LUZP2: variants seen among roughly 807,000 people sequenced by gnomAD.
LUZP2 encodes leucine zipper protein 2.
In LUZP2, 52 loss-of-function variants were observed where a neutral mutation model predicts 51.6. That is an observed-to-expected ratio of 1.01 (90% CI 0.81 to 1.27). The LOEUF (loss-of-function observed/expected upper bound fraction) is 1.27, where lower values mean the gene tolerates loss of function less well. Ranked by LOEUF, LUZP2 falls within the 50% of genes most tolerant of loss-of-function variation. The pLI is 0.00. For synonymous variants in LUZP2, 154 were observed against 137.3 expected (o/e 1.12, Z -0.85); for missense variants, 436 against 395.4 (o/e 1.10, Z -0.87).
chr11:24,786,552 A>G (rs1178365702), intron 5 of LUZP2: 2 of 434,974 alleles, frequency 4.6e-6, no homozygotes, highest in African/African-American at 2.2e-5. Context: ...ATATATAAAC[A>G]GGTGTATATA....
chr11:24,526,323 A>C (rs533727382), intron 1 of LUZP2, among the ~76,000 whole-genome samples: 2 of 151,162 alleles, frequency 1.3e-5, no homozygotes, highest in Non-Finnish European at 3.0e-5. Context: ...AGCATATCTA[A>C]CTAAAACCTA....
rs74517460 is a variant in LUZP2 at position 24,781,404 on chromosome 11, A to G, written c.396+18096A>G. 3.5e-3 allele frequency among the ~76,000 whole-genome samples: 529 copies of G among 152,122 alleles called. 5 individuals carry two copies. The highest frequency in any genetic ancestry group is 0.011 in the African/African-American group (444 of 41,524). Reference sequence around the variant, plus strand: ...TCATAGTTTTGGTTTAACCTCAGAGATATTTCTTACTGCACTATTTACCAT... The same window carrying G: ...TCATAGTTTTGGTTTAACCTCAGAGGTATTTCTTACTGCACTATTTACCAT... On this transcript the variant is annotated intron_variant, in intron 5 of 11. Coordinates refer to ENST00000336930, the MANE Select transcript of LUZP2 (RefSeq NM_001009909.4).
intron 1 of LUZP2, among the ~76,000 whole-genome samples, chr11:24,667,799 T>C (rs1565065400): frequency 6.6e-6 from 1 of 152,240 alleles, no homozygotes; most frequent in South Asian, 2.1e-4. Context: ...AGAATGCTTC[T>C]ATTTGCATTG....
chr11:24,975,943 T>G (rs1427830528), intron 7 of LUZP2, among the ~76,000 whole-genome samples: 1 of 151,984 alleles, frequency 6.6e-6, no homozygotes, highest in African/African-American at 2.4e-5. Context: ...AATAAAAATC[T>G]ATTATCTCTC....
At position 24,914,502 on chromosome 11, in the gene LUZP2, G is replaced by A. The variant is rs769243604; in HGVS notation, c.486G>A (p.Lys162=). The A allele has an allele frequency of 9.9e-6, 16 of 1,609,394 alleles. No homozygotes were observed. Among genetic ancestry groups the A allele is most frequent in the Non-Finnish European group, 1.4e-5 (16 of 1,178,564 alleles). The part of the protein sequence containing the change: ...EESKKIQAQL[K]ELRYGKKDLL... Reference sequence around the variant, plus strand: ...CAAAAAAAATCCAAGCCCAGCTGAAGGAGCTTCGTTATGGGAAGAAGGATT... The same window carrying A: ...CAAAAAAAATCCAAGCCCAGCTGAAAGAGCTTCGTTATGGGAAGAAGGATT... Residue 162 remains lysine, a synonymous_variant, in exon 7 of 12, where the codon AAG becomes AAA. Transcript: ENST00000336930.
intron 5 of LUZP2, among the ~76,000 whole-genome samples, chr11:24,866,910 G>A (rs556305243): frequency 6.6e-5 from 10 of 152,210 alleles, no homozygotes; most frequent in African/African-American, 2.4e-4. Flanking sequence ...TTCGGTGGGA[G>A]ATGAGACTGG....
intron 10 of LUZP2, among the ~76,000 whole-genome samples, chr11:25,065,843 C>G (rs1197232655): frequency 6.6e-6 from 1 of 151,998 alleles, no homozygotes; most frequent in Non-Finnish European, 1.5e-5. Flanking sequence ...TCATTATTTT[C>G]ATGCTCACTC....
intron 1 of LUZP2, among the ~76,000 whole-genome samples, chr11:24,693,471 A>T (rs1262583908): frequency 1.3e-5 from 2 of 151,848 alleles, no homozygotes; most frequent in Non-Finnish European, 2.9e-5. Flanking sequence ...CTTAATTAAA[A>T]TAAATGATTA....
In LUZP2 at chr11:24,871,323, G is replaced by T. The variant is rs12576482; in HGVS notation, c.397-34668G>T. On this transcript the variant is annotated intron_variant, in intron 5 of 11. Coordinates refer to ENST00000336930, the MANE Select transcript of LUZP2 (RefSeq NM_001009909.4). ...AATTTCCTTTATGGAAATGGTTAAT[G>T]AATGACCTTAAACCACTAACATAGT... Among the ~76,000 whole-genome samples, 1,152 of 152,130 alleles carry T rather than the reference G, an allele frequency of 7.6e-3. 8 individuals carry two copies. The highest frequency in any genetic ancestry group is 0.04 in the East Asian group (207 of 5,174).
At chr11:24,672,418 C>A (rs568002402) in intron 1 of LUZP2, among the ~76,000 whole-genome samples, 16 of 152,178 alleles carry the variant, frequency 1.1e-4, no homozygotes, top group African/African-American at 2.2e-4. Flanking sequence ...ATATTTATTA[C>A]AAAATTACTG....
At chr11:24,942,857 A>G (rs1471560566) in intron 7 of LUZP2, among the ~76,000 whole-genome samples, 1 of 152,130 alleles carries the variant, frequency 6.6e-6, no homozygotes, top group Non-Finnish European at 1.5e-5. Flanking sequence ...TATGTAGGCT[A>G]TTGTGTTTAC....
At chr11:24,814,941 G>A (rs1319060308) in intron 5 of LUZP2, among the ~76,000 whole-genome samples, 1 of 148,770 alleles carries the variant, frequency 6.7e-6, no homozygotes, top group Admixed American at 6.8e-5. Context: ...GCAGTGAGCT[G>A]AGATCGCACC....
At chr11:24,897,847 T>C (rs371673778) in intron 5 of LUZP2, among the ~76,000 whole-genome samples, 26 of 152,220 alleles carry the variant, frequency 1.7e-4, no homozygotes, top group East Asian at 7.7e-4. Context: ...GATTTACTTA[T>C]GGATTCTCAA....
chr11:24,553,763 T>C (rs7118280), intron 1 of LUZP2, among the ~76,000 whole-genome samples: 3,184 of 152,272 alleles, frequency 0.021, 99 homozygotes, highest in South Asian at 0.06. Flanking sequence ...ACATCATCTT[T>C]GGCAGGTGTT....
At chr11:24,786,516 T>C in intron 5 of LUZP2, 2 of 852,566 alleles carry the variant, frequency 2.3e-6, no homozygotes, top group Non-Finnish European at 2.8e-6. Context: ...AAAATATGTG[T>C]ATATTTGTAT....
intron 1 of LUZP2, among the ~76,000 whole-genome samples, chr11:24,634,629 C>T (rs1353746606): frequency 1.8e-5 from 2 of 108,204 alleles, no homozygotes; most frequent in Non-Finnish European, 1.8e-5. Flanking sequence ...GGATTTATAA[C>T]TTCAAAAAAA....
At chr11:24,737,818 C>G (rs1314584091) in intron 3 of LUZP2, among the ~76,000 whole-genome samples, 5 of 152,058 alleles carry the variant, frequency 3.3e-5, no homozygotes, top group South Asian at 2.1e-4. Flanking sequence ...CAGAAGGGAA[C>G]AGTAATTTTA....
chr11:25,038,971 G>A (rs1421754190), intron 9 of LUZP2, among the ~76,000 whole-genome samples: 3 of 152,086 alleles, frequency 2.0e-5, no homozygotes, highest in Non-Finnish European at 4.4e-5. Context: ...GAGAGCAATG[G>A]GTGGTTGATA....
At chr11:24,514,224 G>T (rs1481925876) in intron 1 of LUZP2, among the ~76,000 whole-genome samples, 3 of 152,132 alleles carry the variant, frequency 2.0e-5, no homozygotes, top group African/African-American at 4.8e-5. Context: ...GTGTGTGTGT[G>T]TTTTCTTTTC....
Sources: gnomAD v4.1 joint callset for allele counts (sites outside exome capture counted in the v4.1 genomes callset) on GRCh38, gnomAD v4.1.1 for gene constraint, MANE v1.5 for transcripts, NCBI Gene and HGNC (gene_info 2026-07-23, HGNC 2026-07-21) for gene names.